Variants in KCNIP4 observed in about 807,000 individuals in gnomAD.
The protein encoded by KCNIP4 is potassium voltage-gated channel interacting protein 4.
Under a neutral mutation model 34.0 loss-of-function variants are expected in KCNIP4, and 12 were observed. The ratio of observed to expected loss-of-function variants is 0.35; its 90% CI spans 0.23 to 0.57. The LOEUF is 0.57. Ranked by LOEUF, KCNIP4 falls within the 20% of genes least tolerant of loss-of-function variation. The pLI is 0.83. For missense variants in KCNIP4, 238 were observed against 311.7 expected (o/e 0.76, Z 1.78); for synonymous variants, 124 against 102.2 (o/e 1.21, Z -1.29).
intron 1 of KCNIP4, chr4:21,303,798 C>G (rs575682509): frequency 1.2e-6 from 2 of 1,610,124 alleles, no homozygotes; most frequent in Non-Finnish European, 1.7e-6. Context: ...CTAAAAAGCA[C>G]TCCCTTACCT....
At chr4:21,597,946 G>T (rs1425086406) in intron 1 of KCNIP4, among the ~76,000 whole-genome samples, 3 of 151,964 alleles carry the variant, frequency 2.0e-5, no homozygotes, top group Admixed American at 1.3e-4. Context: ...CAACAGAAGA[G>T]AAAAGAAAAA....
intron 1 of KCNIP4, among the ~76,000 whole-genome samples, chr4:21,230,333 A>T (rs568938542): frequency 3.3e-5 from 5 of 151,712 alleles, no homozygotes; most frequent in Non-Finnish European, 7.4e-5. Context: ...CTATGGGAGG[A>T]TAATTATTAT....
intron 4 of KCNIP4, among the ~76,000 whole-genome samples, chr4:20,756,388 T>A (rs1286578656): frequency 6.6e-6 from 1 of 152,128 alleles, no homozygotes; most frequent in Non-Finnish European, 1.5e-5. Flanking sequence ...CAATTCTGAA[T>A]CCTATTTATC....
chr4:21,438,820 T>C (rs1039152002), intron 1 of KCNIP4, among the ~76,000 whole-genome samples: 1 of 152,032 alleles, frequency 6.6e-6, no homozygotes, highest in Admixed American at 6.6e-5. Context: ...TTCAGGAGAA[T>C]TTCAGGGGTA....
At chr4:21,861,371 A>T (rs1345648013) in intron 1 of KCNIP4, among the ~76,000 whole-genome samples, 1 of 152,150 alleles carries the variant, frequency 6.6e-6, no homozygotes, top group East Asian at 1.9e-4. Flanking sequence ...TCTATTAGGA[A>T]ATTTCTTCAG....
At chr4:21,040,849 GT>G (rs376094669) in intron 1 of KCNIP4, among the ~76,000 whole-genome samples, 3 of 147,242 alleles carry the variant, frequency 2.0e-5, no homozygotes, top group South Asian at 2.2e-4. Flanking sequence ...TATAAGAAGC[GT>G]TTTTTTTTCT....
chr4:21,033,100 G>GAATA (rs199532921), intron 1 of KCNIP4, among the ~76,000 whole-genome samples: 1 of 152,028 alleles, frequency 6.6e-6, no homozygotes, highest in Non-Finnish European at 1.5e-5. Flanking sequence ...ATGAATGAAT[G>GAATA]AATAAATAAA....
intron 1 of KCNIP4, among the ~76,000 whole-genome samples, chr4:21,733,065 G>A (rs971804083): frequency 2.6e-5 from 4 of 152,226 alleles, no homozygotes; most frequent in Admixed American, 1.3e-4. Flanking sequence ...AGAAAAGTAC[G>A]AATCTCAACG....
At chr4:21,096,574 C>A (rs893079886) in intron 1 of KCNIP4, among the ~76,000 whole-genome samples, 5 of 151,954 alleles carry the variant, frequency 3.3e-5, no homozygotes, top group African/African-American at 1.2e-4. Context: ...ATTATAGCAA[C>A]CACCAAGTAT....
At chr4:20,983,791 A>G in intron 1 of KCNIP4, 1 of 1,532,288 alleles carries the variant, frequency 6.5e-7, no homozygotes, top group African/African-American at 1.4e-5. Flanking sequence ...GCCCAACAGC[A>G]CAGACTGGAG....
At chr4:21,155,897 T>C (rs1186649768) in intron 1 of KCNIP4, among the ~76,000 whole-genome samples, 1 of 152,106 alleles carries the variant, frequency 6.6e-6, no homozygotes, top group African/African-American at 2.4e-5. Context: ...TGCTTATCTA[T>C]CTATTATTTT....
intron 1 of KCNIP4, among the ~76,000 whole-genome samples, chr4:21,883,537 C>T (rs996203771): frequency 1.8e-4 from 28 of 152,104 alleles, no homozygotes; most frequent in African/African-American, 6.3e-4. Context: ...CTTAGATACA[C>T]GTCATGTGTG....
chr4:21,014,942 A>G (rs575506854), intron 1 of KCNIP4, among the ~76,000 whole-genome samples: 1 of 152,310 alleles, frequency 6.6e-6, no homozygotes, highest in South Asian at 2.1e-4. Flanking sequence ...TTAAAAAGGA[A>G]TGAAATTCTG....
At chr4:21,258,635 A>C (rs1200202499) in intron 1 of KCNIP4, among the ~76,000 whole-genome samples, 1 of 152,188 alleles carries the variant, frequency 6.6e-6, no homozygotes, top group Non-Finnish European at 1.5e-5. Context: ...ATTTGAAAAC[A>C]GAGGTCAGTG....
chr4:20,751,573 G>T (rs1389242888), intron 4 of KCNIP4, among the ~76,000 whole-genome samples: 1 of 152,026 alleles, frequency 6.6e-6, no homozygotes, highest in South Asian at 2.1e-4. Flanking sequence ...TTTATAATGA[G>T]CTTCATTAAG....
chr4:21,510,023 G>A lies in KCNIP4; in HGVS notation c.61+438548C>T, dbSNP rs182829539. Among the ~76,000 whole-genome samples, 5 of 136,568 alleles carry A rather than the reference G, an allele frequency of 3.7e-5. No homozygotes were observed. In the Admixed American group the frequency reaches 4.1e-4, roughly 11 times the overall value. The allele number at this position is 136,568 out of a possible 152,430, so 89.6% of individuals were successfully genotyped here. On this transcript the variant is annotated intron_variant, in intron 1 of 8. Coordinates refer to ENST00000382152, the MANE Select transcript of KCNIP4 (RefSeq NM_025221.6). ...ATCCCAGCTACTCGGAAAGCAGCAA[G>A]CCGAGATCGCACCATTGCACTCCCA...
At chr4:21,250,673 T>G (rs922926801) in intron 1 of KCNIP4, among the ~76,000 whole-genome samples, 3 of 152,088 alleles carry the variant, frequency 2.0e-5, no homozygotes, top group Non-Finnish European at 4.4e-5. Flanking sequence ...CTGGCGATTT[T>G]ATGGGATGGA....
At chr4:21,819,182 T>C (rs917266374) in intron 1 of KCNIP4, among the ~76,000 whole-genome samples, 4 of 152,244 alleles carry the variant, frequency 2.6e-5, no homozygotes, top group African/African-American at 9.6e-5. Flanking sequence ...GGCTTCCTGT[T>C]GCACTTAGAA....
At chr4:21,556,928 A>AAACAAAAAC (rs1560514203) in intron 1 of KCNIP4, among the ~76,000 whole-genome samples, 1 of 149,002 alleles carries the variant, frequency 6.7e-6, no homozygotes, top group African/African-American at 2.5e-5. Flanking sequence ...CTCAGAAAAA[A>AAACAAAAAC]AAAAAAAAAA....
Sources: gnomAD v4.1 joint callset for allele counts (sites outside exome capture counted in the v4.1 genomes callset) on GRCh38, gnomAD v4.1.1 for gene constraint, MANE v1.5 for transcripts, NCBI Gene and HGNC (gene_info 2026-07-23, HGNC 2026-07-21) for gene names.